Variants in PHKG2 observed in about 807,000 individuals in gnomAD.
PHKG2 encodes the protein phosphorylase kinase catalytic subunit gamma 2, also known as phosphorylase b kinase gamma catalytic chain, liver/testis isoform.
In PHKG2, 28 loss-of-function variants were observed where a neutral mutation model predicts 44.5. The ratio of observed to expected loss-of-function variants is 0.63; its 90% CI spans 0.47 to 0.86. The LOEUF is 0.86. PHKG2 is among the 40% of genes least tolerant of loss of function. The pLI is 0.00. For synonymous variants in PHKG2, 220 were observed against 211.2 expected, an observed-to-expected ratio of 1.04 and a Z score of -0.36; for missense variants, 498 against 547.5, an observed-to-expected ratio of 0.91 and a Z score of 0.90.
chr16:30,750,844 G>A (rs2053334616), intron 2 of PHKG2, among the ~76,000 whole-genome samples: 2 of 152,184 alleles, frequency 1.3e-5, no homozygotes, highest in South Asian at 4.1e-4. Flanking sequence ...ACTTGCCTAG[G>A]CTTTCCCATG....
Position 30,751,135 on chromosome 16 carries a change from T to C in PHKG2, c.125T>C (p.Val42Ala), listed in dbSNP as rs1195250419. 3.1e-6 allele frequency: 5 copies of C among 1,613,886 alleles called. No homozygotes were observed. The highest frequency in any genetic ancestry group is 4.2e-6 in the Non-Finnish European group (5 of 1,180,018). The change falls in exon 3 of 10, where the codon GTT becomes GCT. Residue 42 changes from valine (V) to alanine (A), a missense_variant. Coordinates refer to ENST00000563588, the MANE Select transcript of PHKG2 (RefSeq NM_000294.3). ...GTGAGCTCTGTGGTCCGCCGTTGTG[T>C]TCATCGAGCTACTGGCCACGAGTTT... ...RGVSSVVRRC[V>A]HRATGHEFAV...
rs762783981 is a variant in PHKG2, at chr16:30,753,226, C to T, written c.327-6C>T. ...CAGCTGCCTCCTATGCCCCTCCTTC[C>T]CTTAGGATGCGGAAGGGAGAGCTGT... On this transcript the variant is annotated splice_region_variant and splice_polypyrimidine_tract_variant and intron_variant, in intron 4 of 9. Transcript: ENST00000563588. 4.3e-6 allele frequency: 7 copies of T among 1,613,116 alleles called. No homozygotes were observed. Among genetic ancestry groups the T allele is most frequent in the Non-Finnish European group, 2.5e-6 (3 of 1,179,124 alleles).
In PHKG2 at chr16:30,757,686, GGA is replaced by G. The variant is rs769920487; in HGVS notation, c.*594_*595del. The G allele has an allele frequency of 6.3e-7, 1 of 1,582,342 alleles. No individual in the cohort carries two copies. The highest frequency in any genetic ancestry group is 1.1e-5 in the South Asian group (1 of 87,674). On this transcript the variant is annotated 3_prime_UTR_variant, in exon 10 of 10. Transcript: ENST00000563588. ...GGGCAGGGAAGAAGGGGCAGGGTGA[GGA>G]GAGATGCTGTCTGGCAATGGGGGGA...
chr16:30,758,722 T>A lies in PHKG2; in HGVS notation c.*1625T>A. On this transcript the variant is annotated 3_prime_UTR_variant, in exon 10 of 10. Coordinates refer to ENST00000563588, the MANE Select transcript of PHKG2 (RefSeq NM_000294.3). ...AAGCGCGCACCACCATGCCTGGCTA[T>A]TTTTTGTATTTTAGTAGATAGGGGG... 2.4e-6 allele frequency: 1 copy of A among 416,436 alleles called. No individual in the cohort carries two copies. Among genetic ancestry groups the A allele is most frequent in the South Asian group, 2.4e-5 (1 of 42,548 alleles). The allele number at this position is 416,436 out of a possible 1,614,324, so 25.8% of individuals were successfully genotyped here.
chr16:30,760,157 A>G lies in PHKG2; in HGVS notation c.*3060A>G. On this transcript the variant is annotated 3_prime_UTR_variant, in exon 10 of 10. Transcript: ENST00000563588. ...GGATTGGAAAGCTGATGGCTTGTGT[A>G]TGATGATGCTACTAATAATGACATA... 2 of 1,584,806 alleles carry G rather than the reference A, an allele frequency of 1.3e-6. No homozygotes were observed. The highest frequency in any genetic ancestry group is 8.5e-7 in the Non-Finnish European group (1 of 1,172,028).
intron 1 of PHKG2, 72 bp from the exon 2 acceptor site, chr16:30,748,731 C>G: frequency 2.4e-6 from 2 of 847,766 alleles, no homozygotes. Context: ...GCTGCGCCCC[C>G]GGGAGCCGCC....
intron 3 of PHKG2, 47 bp from the exon 4 acceptor site, chr16:30,751,502 C>CA (rs1394886424): frequency 6.5e-7 from 1 of 1,540,066 alleles, no homozygotes; most frequent in Admixed American, 1.7e-5. Flanking sequence ...AATGTGCATC[C>CA]ACTCCTTTCC....
At position 30,757,697 on chromosome 16, in the gene PHKG2, G is replaced by C; in HGVS notation, c.*600G>C. On this transcript the variant is annotated 3_prime_UTR_variant, in exon 10 of 10. Transcript: ENST00000563588. Reference sequence around the variant, plus strand: ...AAGGGGCAGGGTGAGGAGAGATGCTGTCTGGCAATGGGGGGATGGTCCCTA... The same window carrying C: ...AAGGGGCAGGGTGAGGAGAGATGCTCTCTGGCAATGGGGGGATGGTCCCTA... The C allele has an allele frequency of 6.4e-7, 1 of 1,567,250 alleles. No individual in the cohort carries two copies. The highest frequency in any genetic ancestry group is 8.7e-7 in the Non-Finnish European group (1 of 1,154,720).
rs2053743610 is a variant in PHKG2 at position 30,761,069 on chromosome 16, C to T, written c.*3972C>T. On this transcript the variant is annotated 3_prime_UTR_variant, in exon 10 of 10. Transcript: ENST00000563588. ...GGCTGGAAAGCCAACTTCCAGTCAC[C>T]TGGAGTAATTGCATCTCCAGGCCTC... 2 of 1,078,668 alleles carry T rather than the reference C, an allele frequency of 1.9e-6. No individual in the cohort carries two copies. The highest frequency in any genetic ancestry group is 2.7e-6 in the Non-Finnish European group (2 of 745,712). The allele number at this position is 1,078,668 out of a possible 1,614,324, so 66.8% of individuals were successfully genotyped here.
At chr16:30,749,304 A>C (rs1046989238) in intron 2 of PHKG2, among the ~76,000 whole-genome samples, 2 of 149,106 alleles carry the variant, frequency 1.3e-5, no homozygotes, top group Non-Finnish European at 3.0e-5. Context: ...GTGTCTTTCA[A>C]GTTCAGGTTT....
In PHKG2 at chr16:30,757,817, G is replaced by A; in HGVS notation, c.*720G>A. On this transcript the variant is annotated 3_prime_UTR_variant, in exon 10 of 10. Transcript: ENST00000563588. ...AATGTTAGCAAGCCCTTGTGTGAGA[G>A]GTAGTTGGGTAGGGTGGCTATGCTG... is the stretch of plus-strand genomic sequence containing the variant. 2.1e-6 allele frequency: 3 copies of A among 1,414,760 alleles called. No homozygotes were observed. The highest frequency in any genetic ancestry group is 2.8e-6 in the Non-Finnish European group (3 of 1,088,838). The allele number at this position is 1,414,760 out of a possible 1,614,324, so 87.6% of individuals were successfully genotyped here.
Position 30,753,283 on chromosome 16 carries a change from T to G in PHKG2, c.378T>G (p.Ser126=). The G allele has an allele frequency of 6.2e-7, 1 of 1,613,954 alleles. No individual in the cohort carries two copies. Among genetic ancestry groups the G allele is most frequent in the Non-Finnish European group, 8.5e-7 (1 of 1,179,928 alleles). Residue 126 remains serine, a synonymous_variant, in exon 5 of 10, where the codon TCT becomes TCG. Coordinates refer to ENST00000563588, the MANE Select transcript of PHKG2 (RefSeq NM_000294.3). ...ATCTCACAGAGAAGGTGGCCCTCTC[T>G]GAAAAGGAAACCAGGTAAGGGTTGA... ...FDYLTEKVAL[S]EKETRSIMRS... is the part of the protein sequence containing the mutation.
In PHKG2 at chr16:30,758,854, CT is replaced by C. The variant is rs1481028507; in HGVS notation, c.*1758del. 3 of 1,280,718 alleles carry C rather than the reference CT, an allele frequency of 2.3e-6. No homozygotes were observed. Among genetic ancestry groups the C allele is most frequent in the Non-Finnish European group, 3.2e-6 (3 of 948,208 alleles). 79.3% of individuals were successfully genotyped at this position (1,280,718 alleles called of 1,614,324 possible). On this transcript the variant is annotated 3_prime_UTR_variant, in exon 10 of 10. Coordinates refer to ENST00000563588, the MANE Select transcript of PHKG2 (RefSeq NM_000294.3). ...GTGAGCCACCACGCCTGGCCTGCAG[CT>C]GTGCTTTTATCTGTCATCTTGGACT...
chr16:30,753,544 C>T lies in PHKG2; in HGVS notation c.543C>T (p.Gly181=), dbSNP rs372239376. 1.7e-5 allele frequency: 27 copies of T among 1,613,884 alleles called. No homozygotes were observed. Among genetic ancestry groups the T allele is most frequent in the African/African-American group, 1.3e-4 (10 of 74,880 alleles). Residue 181 remains glycine (G), a synonymous_variant, in exon 6 of 10, where the codon GGC becomes GGT. Coordinates refer to ENST00000563588, the MANE Select transcript of PHKG2 (RefSeq NM_000294.3). ...DFGFSCHLEP[G]EKLRELCGTP... is the part of the protein sequence containing the mutation. ...GGTTCTCCTGCCACTTGGAACCTGG[C>T]GAGAAGCTTCGAGGTGAGGGGATCT...
intron 6 of PHKG2, 52 bp from the exon 7 acceptor site, chr16:30,756,130 G>A (rs1006796408): frequency 3.0e-6 from 4 of 1,335,324 alleles, no homozygotes; most frequent in South Asian, 2.3e-5. Flanking sequence ...CCAGTGCTAA[G>A]GGCCCTAGAG....
At chr16:30,756,766 T>C (rs201917566) in intron 9 of PHKG2, 38 bp from the exon 10 acceptor site, 2 of 1,614,106 alleles carry the variant, frequency 1.2e-6, no homozygotes, top group East Asian at 2.2e-5. Context: ...CCCATGATCT[T>C]TCCCCTGCAC....
rs1489320931 is a variant in PHKG2 at position 30,760,405 on chromosome 16, C to T, written c.*3308C>T. ...AGAAGAGGTCCAGGGTGATGGCGTC[C>T]CTCAGGCTCTGCTCAGGACACCCTA... On this transcript the variant is annotated 3_prime_UTR_variant, in exon 10 of 10. Transcript: ENST00000563588. 1.2e-6 allele frequency: 2 copies of T among 1,614,158 alleles called. No homozygotes were observed. The highest frequency in any genetic ancestry group is 2.2e-5 in the East Asian group (1 of 44,886).
intron 2 of PHKG2, 129 bp from the exon 3 acceptor site, chr16:30,750,977 G>A: frequency 1.0e-6 from 1 of 952,774 alleles, no homozygotes; most frequent in Admixed American, 1.9e-5. Context: ...GAGCTCCTAA[G>A]CTTGTTGCCC....
At position 30,756,787 on chromosome 16, in the gene PHKG2, C is replaced by T. The variant is rs1331586791; in HGVS notation, c.928-17C>T. On this transcript the variant is annotated splice_polypyrimidine_tract_variant and intron_variant, in intron 9 of 9. Transcript: ENST00000563588. Reference sequence around the variant, plus strand: ...ATCTTTCCCCTGCACTAGAGCTCACCCTGCCCCCCTTCCCAGGTGGCAGTG... The same window carrying T: ...ATCTTTCCCCTGCACTAGAGCTCACTCTGCCCCCCTTCCCAGGTGGCAGTG... The T allele has an allele frequency of 6.2e-7, 1 of 1,614,110 alleles. No homozygotes were observed. The highest frequency in any genetic ancestry group is 1.1e-5 in the South Asian group (1 of 91,082).
Sources: gnomAD v4.1 joint callset for allele counts (sites outside exome capture counted in the v4.1 genomes callset) on GRCh38, gnomAD v4.1.1 for gene constraint, MANE v1.5 for transcripts, NCBI Gene and HGNC (gene_info 2026-07-23, HGNC 2026-07-21) for gene names.